Variants in ATP5F1C observed in about 807,000 individuals in gnomAD.
ATP5F1C encodes the protein ATP synthase F1 subunit gamma.
Under a neutral mutation model 37.4 loss-of-function variants are expected in ATP5F1C, and 22 were observed. That is an observed-to-expected ratio of 0.59 (90% confidence interval 0.42 to 0.84). ATP5F1C has a LOEUF of 0.84. Among genes scored for constraint, ATP5F1C ranks in the 40% least tolerant of loss-of-function variants. The pLI is 0.00. For missense variants in ATP5F1C, 286 were observed against 362.4 expected, an observed-to-expected ratio of 0.79 and a Z score of 1.71; for synonymous variants, 121 against 128.0, an observed-to-expected ratio of 0.95 and a Z score of 0.37.
chr10:7,796,243 C>A, intron 2 of ATP5F1C, 88 bp downstream of exon 2: 3 of 1,218,798 alleles, frequency 2.5e-6, no homozygotes, highest in South Asian at 3.0e-5. Flanking sequence ...CTGCTTTAGC[C>A]CATTGTGTAT....
At chr10:7,806,141 A>T (rs1836476004) in intron 8 of ATP5F1C, among the ~76,000 whole-genome samples, 1 of 152,250 alleles carries the variant, frequency 6.6e-6, no homozygotes, top group Non-Finnish European at 1.5e-5. Context: ...AAATCCTTAT[A>T]CAAAAACTTA....
At chr10:7,788,796 G>C (rs1836103689) in intron 1 of ATP5F1C, among the ~76,000 whole-genome samples, 1 of 152,002 alleles carries the variant, frequency 6.6e-6, no homozygotes, top group Non-Finnish European at 1.5e-5. Flanking sequence ...CAGACGCTTT[G>C]CTGGGTGCTG....
intron 3 of ATP5F1C, among the ~76,000 whole-genome samples, chr10:7,798,202 G>T (rs1365417860): frequency 6.6e-6 from 1 of 151,816 alleles, no homozygotes; most frequent in African/African-American, 2.4e-5. Context: ...TTTTATGTGT[G>T]TGTGTGTGTT....
At chr10:7,790,624 A>C (rs966635161) in intron 1 of ATP5F1C, among the ~76,000 whole-genome samples, 5 of 152,242 alleles carry the variant, frequency 3.3e-5, no homozygotes, top group African/African-American at 7.2e-5. Context: ...ATGAGGGCAG[A>C]TATTTACTAA....
At chr10:7,793,261 AC>A (rs1333048434) in intron 1 of ATP5F1C, among the ~76,000 whole-genome samples, 1 of 152,102 alleles carries the variant, frequency 6.6e-6, no homozygotes, top group Non-Finnish European at 1.5e-5. Flanking sequence ...ACAGGTGCCC[AC>A]CAGCACGCCT....
intron 2 of ATP5F1C, 167 bp downstream of exon 2, chr10:7,796,322 G>A: frequency 1.9e-6 from 1 of 534,552 alleles, no homozygotes; most frequent in Non-Finnish European, 3.3e-6. Context: ...GAAAAGACCA[G>A]TAAGAAAGGA....
At chr10:7,807,088 C>T (rs981852462) in intron 9 of ATP5F1C, 78 bp downstream of exon 9, 54 of 1,385,286 alleles carry the variant, frequency 3.9e-5, no homozygotes, top group Admixed American at 6.0e-5. Context: ...TTTAGTAATC[C>T]TAGAATTGTC....
chr10:7,796,094 A>G (rs1248847620), intron 1 of ATP5F1C, 27 bp from the exon 2 acceptor site: 1 of 1,570,832 alleles, frequency 6.4e-7, no homozygotes, highest in Non-Finnish European at 8.6e-7. Flanking sequence ...CAAAAAACTG[A>G]AACATTTTTA....
intron 4 of ATP5F1C, 108 bp from the exon 5 acceptor site, chr10:7,799,664 C>G: frequency 1.5e-6 from 2 of 1,329,032 alleles, no homozygotes; most frequent in Non-Finnish European, 2.1e-6. Context: ...CCACCCATAC[C>G]CCAAAAGACC....
intron 1 of ATP5F1C, among the ~76,000 whole-genome samples, chr10:7,790,947 T>C (rs1471717732): frequency 6.6e-6 from 1 of 152,204 alleles, no homozygotes; most frequent in Non-Finnish European, 1.5e-5. Flanking sequence ...AGTTTTTAAG[T>C]ACAGTTTCTA....
Position 7,788,217 on chromosome 10 carries a change from C to T in ATP5F1C, c.10C>T (p.Arg4Cys), listed in dbSNP as rs755781927. The change falls in exon 1 of 10, where the codon CGC becomes TGC. Residue 4 changes from arginine (R) to cysteine (C), a missense_variant. Physicochemically the swap from Arg to Cys is radical, Grantham distance 180. Transcript: ENST00000356708. ...CAGGGCTGTGGCTACCATGTTCTCT[C>T]GCGCGGGTGTCGCTGGGCTGTCGGC... Reference protein sequence around the residue: MFSRAGVAGLSAWT... With the variant: MFSCAGVAGLSAWT... 6.2e-7 allele frequency: 1 copy of T among 1,613,532 alleles called. No individual in the cohort carries two copies. The highest frequency in any genetic ancestry group is 8.5e-7 in the Non-Finnish European group (1 of 1,179,928).
At chr10:7,796,795 A>G (rs932421223) in intron 2 of ATP5F1C, 6 of 259,316 alleles carry the variant, frequency 2.3e-5, no homozygotes, top group African/African-American at 1.1e-4. Flanking sequence ...CGTGTTAGCC[A>G]AGATGGTCTT....
rs1836382600 is a variant in ATP5F1C at position 7,802,301 on chromosome 10, T to C, written c.669T>C (p.Ala223=). Residue 223 remains alanine, a synonymous_variant, in exon 7 of 10, where the codon GCT becomes GCC. Coordinates refer to ENST00000356708, the MANE Select transcript of ATP5F1C (RefSeq NM_001001973.3). ...TGAGTATCTATGACGATATTGATGC[T>C]GACGTGCTGCAAAATTACCAAGAAT... ...DSMSIYDDID[A]DVLQNYQEYN... The C allele has an allele frequency of 6.2e-7, 1 of 1,613,572 alleles. No homozygotes were observed. The highest frequency in any genetic ancestry group is 1.3e-5 in the African/African-American group (1 of 74,930).
At chr10:7,788,505 C>A (rs1476683683) in intron 1 of ATP5F1C, among the ~76,000 whole-genome samples, 1 of 152,204 alleles carries the variant, frequency 6.6e-6, no homozygotes, top group Non-Finnish European at 1.5e-5. Flanking sequence ...GGTCGGAGGG[C>A]CACCTGGGAC....
intron 1 of ATP5F1C, among the ~76,000 whole-genome samples, chr10:7,790,836 C>T (rs1203091875): frequency 6.6e-6 from 1 of 152,142 alleles, no homozygotes; most frequent in Non-Finnish European, 1.5e-5. Flanking sequence ...GTGCACAATT[C>T]AGTGGGTTAG....
intron 8 of ATP5F1C, among the ~76,000 whole-genome samples, chr10:7,806,681 T>C (rs530580218): frequency 2.0e-5 from 3 of 152,058 alleles, no homozygotes; most frequent in African/African-American, 7.2e-5. Flanking sequence ...TCTAAATATA[T>C]TGTGTTAATT....
At chr10:7,806,540 C>T (rs921551881) in intron 8 of ATP5F1C, among the ~76,000 whole-genome samples, 1 of 151,786 alleles carries the variant, frequency 6.6e-6, no homozygotes, top group Admixed American at 6.6e-5. Flanking sequence ...ACCTGTAATC[C>T]CAGCTACTCG....
intron 7 of ATP5F1C, 104 bp downstream of exon 7, chr10:7,802,529 A>G (rs79400639): frequency 5.1e-5 from 69 of 1,347,562 alleles, no homozygotes; most frequent in Admixed American, 2.1e-4. Context: ...CAACATTAAC[A>G]TGATATTCCT....
At chr10:7,796,020 TG>T in intron 1 of ATP5F1C, 100 bp from the exon 2 acceptor site, 1 of 837,244 alleles carries the variant, frequency 1.2e-6, no homozygotes, top group Non-Finnish European at 1.9e-6. Flanking sequence ...TGTTTCTTTA[TG>T]GGGTATTCTT....
Sources: gnomAD v4.1 joint callset for allele counts (sites outside exome capture counted in the v4.1 genomes callset) on GRCh38, gnomAD v4.1.1 for gene constraint, MANE v1.5 for transcripts, NCBI Gene and HGNC (gene_info 2026-07-23, HGNC 2026-07-21) for gene names.